Variants in PCDHA6 observed in about 807,000 individuals in gnomAD.
PCDHA6 encodes the protein protocadherin alpha-6.
In PCDHA6, 55 loss-of-function variants were observed where a neutral mutation model predicts 60.3. That is an observed-to-expected ratio of 0.91 (90% CI 0.73 to 1.14). The LOEUF is 1.14. Ranked by LOEUF, PCDHA6 falls within the 50% of genes most tolerant of loss-of-function variation. PCDHA6 has a pLI of 0.00. For missense variants in PCDHA6, 1,327 were observed against 1,256.5 expected (o/e 1.06, Z -0.85); for synonymous variants, 652 against 557.9 (o/e 1.17, Z -2.38).
chr5:140,932,593 A>G (rs1347990722), intron 1 of PCDHA6, among the ~76,000 whole-genome samples: 1 of 151,922 alleles, frequency 6.6e-6, no homozygotes, highest in African/African-American at 2.4e-5. Flanking sequence ...GATGTTTTGT[A>G]TATCTATTTT....
Position 140,980,554 on chromosome 5 carries a change from C to T in PCDHA6, c.2453+1547C>T, listed in dbSNP as rs1283128844. Among the ~76,000 whole-genome samples, 9 of 152,008 alleles carry T rather than the reference C, an allele frequency of 5.9e-5. No individual in the cohort carries two copies. The South Asian group carries it at 1.5e-3, about 25-fold the overall frequency. On this transcript the variant is annotated intron_variant, in intron 2 of 3. Transcript: ENST00000529310. ...CTGAGGCAGGAGAATCGCTTGAACC[C>T]GGGAGGCGGAAGTTGCAGTGAGCCA...
At chr5:140,877,443 C>G (rs376417721) in intron 1 of PCDHA6, 15 of 1,613,726 alleles carry the variant, frequency 9.3e-6, no homozygotes, top group African/African-American at 1.3e-5. Context: ...ACGGTGAGCC[C>G]GCGCTGACGT....
intron 1 of PCDHA6, among the ~76,000 whole-genome samples, chr5:140,949,857 G>A (rs1554219193): frequency 6.6e-6 from 1 of 151,520 alleles, no homozygotes; most frequent in East Asian, 1.9e-4. Context: ...CCGCTTATCT[G>A]TTGTCTTTTG....
intron 1 of PCDHA6, among the ~76,000 whole-genome samples, chr5:140,906,837 A>C (rs543572104): frequency 2.0e-4 from 31 of 152,292 alleles, no homozygotes; most frequent in African/African-American, 7.5e-4. Flanking sequence ...GACTGATTTC[A>C]TCTTGAGAGT....
intron 1 of PCDHA6, chr5:140,882,874 A>G (rs376046205): frequency 1.9e-6 from 3 of 1,614,108 alleles, no homozygotes; most frequent in Non-Finnish European, 2.5e-6. Context: ...CACTGGACAG[A>G]GAGGAAATTC....
intron 1 of PCDHA6, chr5:140,875,520 C>T: frequency 1.2e-6 from 2 of 1,614,004 alleles, no homozygotes; most frequent in Non-Finnish European, 1.7e-6. Flanking sequence ...GTCTGCTGCT[C>T]TCGCTTCTGC....
At chr5:140,837,881 G>T (rs1360398902) in intron 1 of PCDHA6, among the ~76,000 whole-genome samples, 2 of 151,490 alleles carry the variant, frequency 1.3e-5, no homozygotes, top group Admixed American at 6.6e-5. Flanking sequence ...GTGGAGTCTT[G>T]TTTCCCAGGC....
intron 1 of PCDHA6, chr5:140,862,823 C>A (rs782375120): frequency 8.7e-6 from 5 of 571,444 alleles, no homozygotes; most frequent in Admixed American, 1.9e-5. Flanking sequence ...TAGGTGAGAG[C>A]GCGCGACGCG....
chr5:140,831,960 C>A (rs2150110933), intron 1 of PCDHA6, among the ~76,000 whole-genome samples: 1 of 152,212 alleles, frequency 6.6e-6, no homozygotes, highest in East Asian at 1.9e-4. Context: ...AACTTTATGT[C>A]ATTTTATGCT....
chr5:140,961,445 C>T (rs772072156), intron 1 of PCDHA6, among the ~76,000 whole-genome samples: 1 of 152,214 alleles, frequency 6.6e-6, no homozygotes, highest in South Asian at 2.1e-4. Context: ...CCTAACTACA[C>T]TGTCTTGCAG....
intron 1 of PCDHA6, among the ~76,000 whole-genome samples, chr5:140,891,271 G>A (rs782182381): frequency 7.9e-5 from 12 of 151,678 alleles, no homozygotes; most frequent in South Asian, 4.2e-4. Flanking sequence ...TAATTTTTCC[G>A]TAAGTTATTG....
At chr5:141,005,440 A>C (rs1174431656) in intron 3 of PCDHA6, among the ~76,000 whole-genome samples, 3 of 152,112 alleles carry the variant, frequency 2.0e-5, no homozygotes, top group African/African-American at 7.2e-5. Flanking sequence ...TGAGAGGCTC[A>C]CGCCTGTAAT....
intron 1 of PCDHA6, chr5:140,831,268 T>C (rs1361595805): frequency 1.3e-5 from 2 of 152,248 alleles, no homozygotes; most frequent in Non-Finnish European, 2.9e-5. Flanking sequence ...TGAATTTCAC[T>C]TGATGGTCTT....
intron 1 of PCDHA6, among the ~76,000 whole-genome samples, chr5:140,895,206 A>G (rs948962776): frequency 6.6e-6 from 1 of 151,808 alleles, no homozygotes; most frequent in Non-Finnish European, 1.5e-5. Flanking sequence ...ATTTGCTTTT[A>G]TTTCTAATAT....
chr5:140,829,545 A>G lies in PCDHA6; in HGVS notation c.1454A>G (p.Gln485Arg), dbSNP rs1286115535. ...GTGTCTGCGCGAGACGCGGACGCGC[A>G]GGAGAACGCGCTGGTGTCCTACTCG... Reference protein sequence around the residue: ...FTVSARDADAQENALVSYSLV... With the variant: ...FTVSARDADARENALVSYSLV... The change falls in exon 1 of 4, where the codon CAG (glutamine) becomes CGG (arginine). Residue 485 changes from glutamine to arginine, a missense_variant. Transcript: ENST00000529310. 6 of 1,612,828 alleles carry G rather than the reference A, an allele frequency of 3.7e-6. No homozygotes were observed. Among genetic ancestry groups the G allele is most frequent in the Non-Finnish European group, 5.1e-6 (6 of 1,179,842 alleles).
chr5:140,850,319 A>C (rs2150479368), intron 1 of PCDHA6: 1 of 1,597,562 alleles, frequency 6.3e-7, no homozygotes, highest in East Asian at 2.2e-5. Flanking sequence ...CGTGGCTTTC[A>C]TACGAGCTGC....
rs2150165075 is a variant in PCDHA6 at position 140,829,273 on chromosome 5, T to C, written c.1182T>C (p.Pro394=). ...QVNCSLTPHV[P]FKLVSTFKNY... ...ACTGCTCGCTGACGCCTCACGTCCC[T>C]TTCAAGCTGGTGTCCACCTTCAAGA... The change falls in exon 1 of 4, where the codon CCT becomes CCC. Residue 394 remains proline, a synonymous_variant. Coordinates refer to ENST00000529310, the MANE Select transcript of PCDHA6 (RefSeq NM_018909.4). 11 of 1,614,216 alleles carry C rather than the reference T, an allele frequency of 6.8e-6. No homozygotes were observed. The South Asian group carries it at 9.9e-5, about 15-fold the overall frequency.
chr5:140,924,902 A>AAAAAT (rs1554202311), intron 1 of PCDHA6, among the ~76,000 whole-genome samples: 1 of 39,026 alleles, frequency 2.6e-5, no homozygotes, highest in Non-Finnish European at 6.3e-5. Context: ...CTCAAAAAAA[A>AAAAAT]AAATAAAATA....
rs183413454 is a variant in PCDHA6 at position 140,846,304 on chromosome 5, C to A, written c.2394+15819C>A. Among the ~76,000 whole-genome samples, 113 of 148,752 alleles carry A rather than the reference C, an allele frequency of 7.6e-4. 8 individuals are homozygous for A. Among genetic ancestry groups the A allele is most frequent in the African/African-American group, 2.6e-3 (105 of 40,780 alleles). On this transcript the variant is annotated intron_variant, in intron 1 of 3. Transcript: ENST00000529310. Reference sequence around the variant, plus strand: ...GTTGTAGTTCTATGAATTAAGTAAACCATTTATGTAGAGTGTTGTAAATAG... The same window carrying A: ...GTTGTAGTTCTATGAATTAAGTAAAACATTTATGTAGAGTGTTGTAAATAG...
Sources: gnomAD v4.1 joint callset for allele counts (sites outside exome capture counted in the v4.1 genomes callset) on GRCh38, gnomAD v4.1.1 for gene constraint, MANE v1.5 for transcripts, NCBI Gene and HGNC (gene_info 2026-07-23, HGNC 2026-07-21) for gene names.